The following PARD3 variants were observed in gnomAD, a reference collection of about 807,000 sequenced individuals.
PARD3 encodes the protein partitioning defective 3 homolog.
A neutral mutation model predicts 155.4 loss-of-function variants in PARD3; 75 were observed. The observed-to-expected ratio is 0.48, with a 90% CI of 0.40 to 0.58. PARD3 has a LOEUF of 0.58. Among genes scored for constraint, PARD3 ranks in the 20% least tolerant of loss-of-function variants. PARD3 has a pLI of 0.00. For synonymous variants in PARD3, 576 were observed against 610.5 expected (o/e 0.94, Z 0.83); for missense variants, 1,642 against 1,721.7 (o/e 0.95, Z 0.82).
At chr10:34,632,699 T>G (rs2092318263) in intron 2 of PARD3, among the ~76,000 whole-genome samples, 1 of 152,226 alleles carries the variant, frequency 6.6e-6, no homozygotes, top group Non-Finnish European at 1.5e-5. Flanking sequence ...AGTCAAAAGC[T>G]TATTATACTG....
intron 2 of PARD3, among the ~76,000 whole-genome samples, chr10:34,694,448 A>G (rs1057333947): frequency 2.7e-5 from 4 of 150,538 alleles, no homozygotes; most frequent in African/African-American, 4.9e-5. Context: ...GCATCAGAAC[A>G]TAAGTCGGCA....
chr10:34,513,898 A>G (rs1690793162), intron 3 of PARD3, among the ~76,000 whole-genome samples: 1 of 152,214 alleles, frequency 6.6e-6, no homozygotes, highest in Non-Finnish European at 1.5e-5. Context: ...ACAACCAAAA[A>G]TATCATCAGA....
chr10:34,806,992 G>C (rs775592136), intron 1 of PARD3, among the ~76,000 whole-genome samples: 54 of 152,202 alleles, frequency 3.5e-4, no homozygotes, highest in Non-Finnish European at 5.9e-4. Flanking sequence ...TGCTGGAAAG[G>C]CTGGTCCATT....
At chr10:34,765,446 G>A (rs763160268) in intron 1 of PARD3, among the ~76,000 whole-genome samples, 14 of 152,198 alleles carry the variant, frequency 9.2e-5, no homozygotes, top group Admixed American at 7.9e-4. Flanking sequence ...GGGAGGCTGA[G>A]GCGGGTAGAT....
intron 3 of PARD3, among the ~76,000 whole-genome samples, chr10:34,495,519 ACTTT>A (rs112634406): frequency 0.012 from 1,771 of 152,356 alleles, 30 homozygotes; most frequent in African/African-American, 0.038. Context: ...ATGTTAACTT[ACTTT>A]AAGCATTTGC....
intron 2 of PARD3, among the ~76,000 whole-genome samples, chr10:34,630,390 G>A (rs1212073100): frequency 6.6e-6 from 1 of 151,640 alleles, no homozygotes; most frequent in Non-Finnish European, 1.5e-5. Context: ...GACCAACTAT[G>A]GCCACAAGTC....
intron 2 of PARD3, among the ~76,000 whole-genome samples, chr10:34,692,859 G>A (rs567946257): frequency 4.6e-5 from 7 of 152,308 alleles, no homozygotes; most frequent in Admixed American, 3.3e-4. Context: ...GGACAAAAGA[G>A]CGAGACTCCA....
intron 1 of PARD3, among the ~76,000 whole-genome samples, chr10:34,770,087 G>C (rs926789025): frequency 1.3e-5 from 2 of 151,970 alleles, no homozygotes; most frequent in Admixed American, 6.6e-5. Flanking sequence ...AGACCCTCCG[G>C]GACAGTCATT....
At chr10:34,765,718 C>G (rs762120346) in intron 1 of PARD3, among the ~76,000 whole-genome samples, 29 of 151,236 alleles carry the variant, frequency 1.9e-4, no homozygotes, top group Non-Finnish European at 1.2e-4. Context: ...GTACTAAAAA[C>G]AGGAGCAGTG....
intron 7 of PARD3, among the ~76,000 whole-genome samples, chr10:34,386,745 C>T (rs1414412790): frequency 1.3e-5 from 2 of 151,546 alleles, no homozygotes; most frequent in South Asian, 4.2e-4. Context: ...TCGCTTGAAC[C>T]CAGGAGGCAG....
At position 34,429,553 on chromosome 10, in the gene PARD3, A is replaced by AGTTTAGTTTT. The variant is rs1385255737; in HGVS notation, c.714+20763_714+20764insAAAACTAAAC. 5.2e-3 allele frequency among the ~76,000 whole-genome samples: 756 copies of AGTTTAGTTTT among 145,238 alleles called. 6 individuals carry two copies. The highest frequency in any genetic ancestry group is 0.018 in the African/African-American group (721 of 39,122). ...TAAGAATACAGCCCCACTCTAACTC[A>AGTTTAGTTTT]GTTTTGTTTTGTTTTGTTTTGTTTT... On this transcript the variant is annotated intron_variant, in intron 5 of 24. Coordinates refer to ENST00000374788, the MANE Select transcript of PARD3 (RefSeq NM_001184785.2).
chr10:34,787,817 T>C (rs1841165370), intron 1 of PARD3, among the ~76,000 whole-genome samples: 1 of 151,692 alleles, frequency 6.6e-6, no homozygotes, highest in East Asian at 1.9e-4. Flanking sequence ...GTCACTCTGT[T>C]GCCCAGGCTC....
chr10:34,535,101 AC>A (rs1184096920), intron 2 of PARD3, among the ~76,000 whole-genome samples: 3 of 152,234 alleles, frequency 2.0e-5, no homozygotes, highest in Non-Finnish European at 4.4e-5. Context: ...ATTAAGTGCA[AC>A]AAAAAAATTA....
rs71917947 is a variant in PARD3 at position 34,432,337 on chromosome 10, TACACACACACACACAC to T, written c.714+17964_714+17979del. ...AAATAGAAAGATATACACGTGCACA[TACACACACACACACAC>T]ACACACACACACACACACACACAGA... is the stretch of plus-strand genomic sequence containing the variant. On this transcript the variant is annotated intron_variant, in intron 5 of 24. Transcript: ENST00000374788. Among the ~76,000 whole-genome samples, 11 of 143,562 alleles carry T rather than the reference TACACACACACACACAC, an allele frequency of 7.7e-5. No individual in the cohort carries two copies. In the East Asian group the frequency reaches 8.4e-4, roughly 11 times the overall value. 94.2% of individuals were successfully genotyped at this position (143,562 alleles called of 152,430 possible). A position where few individuals can be genotyped will look rare whatever the true frequency, so the allele number is the denominator to read the frequency against.
Position 34,227,854 on chromosome 10 carries a change from TTTTATATATATATATATATATATATATA to T in PARD3, c.3419+41775_3419+41802del, listed in dbSNP as rs1412922117. The stretch of plus-strand genomic sequence containing the variant: ...TATATTCCCAGTAATGGGAATTATT[TTTTATATATATATATATATATATATATA>T]TACTGGGAATATATATGTATATATA... On this transcript the variant is annotated intron_variant, in intron 22 of 24. Transcript: ENST00000374788. Among the ~76,000 whole-genome samples, 9 of 26,506 alleles carry T rather than the reference TTTTATATATATATATATATATATATATA, an allele frequency of 3.4e-4. No homozygotes were observed. In the East Asian group the frequency reaches 7.1e-3, roughly 21 times the overall value. 17.4% of individuals were successfully genotyped at this position (26,506 alleles called of 152,430 possible).
At chr10:34,203,239 T>C (rs540960013) in intron 22 of PARD3, among the ~76,000 whole-genome samples, 5 of 152,254 alleles carry the variant, frequency 3.3e-5, no homozygotes, top group East Asian at 3.9e-4. Context: ...AACACTTCAA[T>C]CTATATGCCA....
At chr10:34,814,282 C>T (rs939636893) in intron 1 of PARD3, among the ~76,000 whole-genome samples, 39 of 152,260 alleles carry the variant, frequency 2.6e-4, no homozygotes, top group Admixed American at 1.5e-3. Flanking sequence ...CCCTGCAGCC[C>T]CCGGACGCGA....
At chr10:34,372,119 C>A (rs1840731971) in intron 12 of PARD3, among the ~76,000 whole-genome samples, 1 of 151,998 alleles carries the variant, frequency 6.6e-6, no homozygotes, top group Admixed American at 6.6e-5. Context: ...TTAGCCCTCC[C>A]TTTTTTTCCA....
At chr10:34,128,925 G>A (rs1947441282) in intron 23 of PARD3, among the ~76,000 whole-genome samples, 1 of 152,006 alleles carries the variant, frequency 6.6e-6, no homozygotes, top group Admixed American at 6.6e-5. Flanking sequence ...CATCTAGTAG[G>A]GTCAATGCAG....
Sources: gnomAD v4.1 joint callset for allele counts (sites outside exome capture counted in the v4.1 genomes callset) on GRCh38, gnomAD v4.1.1 for gene constraint, MANE v1.5 for transcripts, NCBI Gene and HGNC (gene_info 2026-07-23, HGNC 2026-07-21) for gene names.